The following IGF2 variants were observed in gnomAD, a reference collection of about 807,000 sequenced individuals.
IGF2 encodes insulin-like growth factor 2.
A neutral mutation model predicts 12.0 loss-of-function variants in IGF2; 2 were observed. That is an observed-to-expected ratio of 0.17 (90% confidence interval 0.07 to 0.52). The LOEUF is 0.52. Ranked by LOEUF, IGF2 falls within the 20% of genes least tolerant of loss-of-function variation. The pLI, the probability that IGF2 is intolerant of heterozygous loss-of-function variation, is 0.95. For synonymous variants in IGF2, 105 were observed against 110.1 expected, an observed-to-expected ratio of 0.95 and a Z score of 0.29; for missense variants, 211 against 268.0, an observed-to-expected ratio of 0.79 and a Z score of 1.48.
chr11:2,147,641 G>A, the IGF2 span: 1 of 1,245,518 alleles, frequency 8.0e-7, no homozygotes. This position sits in a 1 kb window ranked among gnomAD's most constrained non-coding sequence, Gnocchi z 7.2. Flanking sequence ...GGTCGCCTGG[G>A]CCACAGGCCA....
At position 2,129,913 on chromosome 11, in the gene IGF2, C is replaced by A; in HGVS notation, c.*3074G>T. 1 of 232,032 alleles carries A rather than the reference C, an allele frequency of 4.3e-6. No homozygotes were observed. The highest frequency in any genetic ancestry group is 6.1e-5 in the East Asian group (1 of 16,406). 14.4% of individuals were successfully genotyped at this position (232,032 alleles called of 1,614,324 possible). On this transcript the variant is annotated 3_prime_UTR_variant, in exon 4 of 4. Transcript: ENST00000416167. This position sits in a 1 kb window ranked among gnomAD's most constrained non-coding sequence, Gnocchi z 8.1. The stretch of plus-strand genomic sequence containing the variant: ...CACCAGACCCGTGGGCTCCGGGGCC[C>A]AAGCAACCTGGTCGATGGGCAGACC...
chr11:2,135,995 G>A (rs1217561538), intron 1 of IGF2, among the ~76,000 whole-genome samples: 1 of 152,156 alleles, frequency 6.6e-6, no homozygotes, highest in Non-Finnish European at 1.5e-5. Flanking sequence ...CAGAGCATGT[G>A]CATCCAGGAG....
At chr11:2,143,745 C>T (rs558449167), upstream of IGF2, among the ~76,000 whole-genome samples, 9 of 152,332 alleles carry the variant, frequency 5.9e-5, no homozygotes, top group South Asian at 1.9e-3. Context: ...TTATTGTGAC[C>T]CGTCGAAATG....
At chr11:2,149,271 C>G in the IGF2 span, 3 of 1,613,618 alleles carry the variant, frequency 1.9e-6, no homozygotes, top group African/African-American at 1.3e-5. Context: ...ACCACCAAAG[C>G]AGGGGGTGCC....
At chr11:2,149,072 G>A in the IGF2 span, 4 of 1,548,502 alleles carry the variant, frequency 2.6e-6, no homozygotes, top group Admixed American at 6.7e-5. Context: ...ACCCACGCCT[G>A]AACACTTAAA....
At chr11:2,139,586 G>GA (rs1859407753), upstream of IGF2, among the ~76,000 whole-genome samples, 2 of 143,808 alleles carry the variant, frequency 1.4e-5, no homozygotes, top group South Asian at 2.2e-4. Flanking sequence ...CGGGGGGGGG[G>GA]CGGCGGTCGC....
In IGF2 at chr11:2,131,223, C is replaced by T. The variant is rs987909416; in HGVS notation, c.*1764G>A. 8 of 233,294 alleles carry T rather than the reference C, an allele frequency of 3.4e-5. No homozygotes were observed. Among genetic ancestry groups the T allele is most frequent in the East Asian group, 2.4e-4 (4 of 16,580 alleles). The allele number at this position is 233,294 out of a possible 1,614,324, so 14.5% of individuals were successfully genotyped here. Reference sequence around the variant, plus strand: ...CGGGTGTATCCCAAATGCCGCCGGCCGCACACTCAGGCCGCACCATCTGAG... The same window carrying T: ...CGGGTGTATCCCAAATGCCGCCGGCTGCACACTCAGGCCGCACCATCTGAG... On this transcript the variant is annotated 3_prime_UTR_variant, in exon 4 of 4. Transcript: ENST00000416167.
upstream of IGF2, among the ~76,000 whole-genome samples, chr11:2,139,960 A>C (rs559963601): frequency 7.4e-4 from 112 of 152,186 alleles, no homozygotes; most frequent in Non-Finnish European, 1.5e-3. Flanking sequence ...TTGGAGCCTC[A>C]GCCAGATCCC....
chr11:2,145,746 C>T (rs1162348144), upstream of IGF2, among the ~76,000 whole-genome samples: 1 of 152,120 alleles, frequency 6.6e-6, no homozygotes, highest in African/African-American at 2.4e-5. Flanking sequence ...GTTCCCCCTC[C>T]CTCGTGGGGC....
At chr11:2,137,706 G>A (rs1478023479) in intron 1 of IGF2, among the ~76,000 whole-genome samples, 2 of 152,158 alleles carry the variant, frequency 1.3e-5, no homozygotes, top group Non-Finnish European at 2.9e-5. Context: ...AGCCAGAGGG[G>A]GTGTGGGGGA....
In IGF2 at chr11:2,133,185, T is replaced by G; in HGVS notation, c.345A>C (p.Gln115His). Residue 115 changes from glutamine to histidine, a missense_variant, in exon 4 of 4, where the codon CAA becomes CAC. Coordinates refer to ENST00000416167, the MANE Select transcript of IGF2 (RefSeq NM_000612.6). This position sits in a 1 kb window ranked among gnomAD's most constrained non-coding sequence, Gnocchi z 8.9. ...GGGTGGACTGCTTCCAGGTGTCATA[T>G]TGGAAGAACTTGCCCACGGGGTATC... ...FPRYPVGKFF[Q>H]YDTWKQSTQR... 1 of 1,575,516 alleles carries G rather than the reference T, an allele frequency of 6.3e-7. No individual in the cohort carries two copies. The highest frequency in any genetic ancestry group is 8.6e-7 in the Non-Finnish European group (1 of 1,158,968).
chr11:2,146,599 C>T, the IGF2 span: 8 of 356,224 alleles, frequency 2.2e-5, no homozygotes, highest in East Asian at 5.2e-4. Flanking sequence ...AGACGGTGCA[C>T]ACTCCAAAGG....
chr11:2,135,113 C>A (rs1001954193), intron 2 of IGF2, among the ~76,000 whole-genome samples: 6 of 152,212 alleles, frequency 3.9e-5, no homozygotes, highest in Non-Finnish European at 8.8e-5. Context: ...CAGGGAGACC[C>A]CTGTGAGTGC....
Position 2,138,433 on chromosome 11 carries a change from T to C in IGF2, c.-211A>G. 1.3e-6 allele frequency: 1 copy of C among 746,214 alleles called. No individual in the cohort carries two copies. The highest frequency in any genetic ancestry group is 1.6e-6 in the Non-Finnish European group (1 of 628,184). 46.2% of individuals were successfully genotyped at this position (746,214 alleles called of 1,614,324 possible). A position where few individuals can be genotyped will look rare whatever the true frequency, so the allele number is the denominator to read the frequency against. Reference sequence around the variant, plus strand: ...GTCTGATTGTCCAGGGAGGACGGGCTGTCTTCGGGCTGGGGCGGGCCAGAT... The same window carrying C: ...GTCTGATTGTCCAGGGAGGACGGGCCGTCTTCGGGCTGGGGCGGGCCAGAT... On this transcript the variant is annotated 5_prime_UTR_variant, in exon 1 of 4. Coordinates refer to ENST00000416167, the MANE Select transcript of IGF2 (RefSeq NM_000612.6).
rs1262333106 is a variant in IGF2, at chr11:2,131,547, TGCA to T, written c.*1437_*1439del. ...TGCGCATGAGTGTGTGTGCTGTGTG[TGCA>T]TGTGTGTGCTGTGTGTTTGTGTGTG... On this transcript the variant is annotated 3_prime_UTR_variant, in exon 4 of 4. Coordinates refer to ENST00000416167, the MANE Select transcript of IGF2 (RefSeq NM_000612.6). The T allele has an allele frequency of 1.9e-5, 4 of 213,124 alleles. No individual in the cohort carries two copies. In the South Asian group the frequency reaches 5.9e-4, roughly 32 times the overall value. The allele number at this position is 213,124 out of a possible 1,614,324, so 13.2% of individuals were successfully genotyped here. A position where few individuals can be genotyped will look rare whatever the true frequency, so the allele number is the denominator to read the frequency against.
intron 1 of IGF2, among the ~76,000 whole-genome samples, chr11:2,136,827 C>T (rs1211694771): frequency 6.6e-6 from 1 of 152,256 alleles, no homozygotes; most frequent in Non-Finnish European, 1.5e-5. Flanking sequence ...GCCACTCTAG[C>T]CCTCGCCGCG....
At chr11:2,146,081 C>T (rs777327039), upstream of IGF2, among the ~76,000 whole-genome samples, 3 of 152,158 alleles carry the variant, frequency 2.0e-5, no homozygotes, top group African/African-American at 4.8e-5. Flanking sequence ...CTGGTCTCCT[C>T]TCCACTGGCA....
intron 2 of IGF2, among the ~76,000 whole-genome samples, chr11:2,134,849 C>G (rs1353055122): frequency 6.6e-6 from 1 of 152,204 alleles, no homozygotes; most frequent in Non-Finnish European, 1.5e-5. Flanking sequence ...CCACGGCAGC[C>G]TTGGGGCCCA....
rs1355040646 is a variant in IGF2, at chr11:2,133,504, C to G, written c.306+13G>C. 3.1e-6 allele frequency: 5 copies of G among 1,608,456 alleles called. No homozygotes were observed. Among genetic ancestry groups the G allele is most frequent in the Non-Finnish European group, 4.2e-6 (5 of 1,177,678 alleles). On this transcript the variant is annotated intron_variant, in intron 3 of 3. Transcript: ENST00000416167. This position sits in a 1 kb window ranked among gnomAD's most constrained non-coding sequence, Gnocchi z 8.9. Reference sequence around the variant, plus strand: ...TGTCTCTAGAGAGTGGGAAAGGGGCCCAGGACCCTCACCGGAAGCACGGTC... The same window carrying G: ...TGTCTCTAGAGAGTGGGAAAGGGGCGCAGGACCCTCACCGGAAGCACGGTC...
Sources: allele counts gnomAD v4.1 joint callset (sites outside exome capture counted in the v4.1 genomes callset), GRCh38; gene constraint gnomAD v4.1.1; non-coding constraint Gnocchi (gnomAD v3.1); transcripts MANE v1.5; gene names NCBI Gene and HGNC (gene_info 2026-07-23, HGNC 2026-07-21).